Variants in THBS4 observed in about 807,000 individuals in gnomAD.
The protein encoded by THBS4 is thrombospondin-4.
In THBS4, 90 loss-of-function variants were observed where a neutral mutation model predicts 115.7. The ratio of observed to expected loss-of-function variants is 0.78; its 90% CI spans 0.66 to 0.93. THBS4 has a LOEUF of 0.93. THBS4 is among the 40% of genes least tolerant of loss of function. THBS4 has a pLI of 0.00. For missense variants in THBS4, 1,087 were observed against 1,232.7 expected (o/e 0.88, Z 1.77); for synonymous variants, 460 against 479.3 (o/e 0.96, Z 0.53).
intron 15 of THBS4, among the ~76,000 whole-genome samples, chr5:80,073,686 G>T (rs547858268): frequency 8.5e-5 from 13 of 152,274 alleles, no homozygotes; most frequent in African/African-American, 2.9e-4. Flanking sequence ...GCCCAGCCCG[G>T]AGAGGGTTTT....
chr5:80,045,344 G>A (rs1833027533), intron 2 of THBS4, among the ~76,000 whole-genome samples: 1 of 152,146 alleles, frequency 6.6e-6, no homozygotes, highest in Admixed American at 6.5e-5. Context: ...ACCAGAGAGT[G>A]TCAGTGAAAC....
intron 2 of THBS4, among the ~76,000 whole-genome samples, chr5:80,041,002 C>T (rs978067200): frequency 1.1e-4 from 16 of 152,174 alleles, no homozygotes; most frequent in Admixed American, 8.5e-4. Flanking sequence ...CTCACTGTCT[C>T]GAGAACAGCA....
chr5:80,060,536 G>A (rs946847337), intron 7 of THBS4, among the ~76,000 whole-genome samples: 1 of 152,254 alleles, frequency 6.6e-6, no homozygotes, highest in South Asian at 2.1e-4. Context: ...GAGGCAGGAG[G>A]ATCACATGAG....
At chr5:80,003,128 C>T (rs192845167) in intron 2 of THBS4, among the ~76,000 whole-genome samples, 14 of 151,970 alleles carry the variant, frequency 9.2e-5, no homozygotes, top group African/African-American at 2.2e-4. Flanking sequence ...GTAGGGGAAT[C>T]GATATTATTA....
chr5:80,000,823 A>G (rs1347340751), intron 2 of THBS4, among the ~76,000 whole-genome samples: 3 of 152,120 alleles, frequency 2.0e-5, no homozygotes, highest in Non-Finnish European at 4.4e-5. Flanking sequence ...TGCACTGGTG[A>G]GGGGAGGAAG....
intron 2 of THBS4, among the ~76,000 whole-genome samples, chr5:80,016,446 G>C (rs1561294573): frequency 6.6e-6 from 1 of 151,632 alleles, no homozygotes; most frequent in Non-Finnish European, 1.5e-5. Context: ...TGATTTTTTT[G>C]AGTGGGATTG....
At position 80,079,901 on chromosome 5, in the gene THBS4, G is replaced by C. The variant is rs2288395; in HGVS notation, c.2512-4G>C. On this transcript the variant is annotated splice_region_variant and splice_polypyrimidine_tract_variant and intron_variant, in intron 19 of 21. Coordinates refer to ENST00000350881, the MANE Select transcript of THBS4 (RefSeq NM_003248.6). ...CCTAAAACCTTGCTTGTGTCATCAT[G>C]CAGGCTGTGAAGTCTAAGACAGGTC... 436,995 of 1,613,142 alleles carry C rather than the reference G, an allele frequency of 0.27. 62,338 individuals carry two copies. The highest frequency in any genetic ancestry group is 0.43 in the African/African-American group (32,380 of 74,898).
At chr5:80,011,877 AAAAAAAAAG>A (rs1015071088) in intron 2 of THBS4, among the ~76,000 whole-genome samples, 4 of 88,346 alleles carry the variant, frequency 4.5e-5, no homozygotes, top group African/African-American at 1.7e-4. Context: ...TCTGTTTCTT[AAAAAAAAAG>A]AAAAAAAAGA....
At chr5:80,042,924 C>A (rs1390380459) in intron 2 of THBS4, among the ~76,000 whole-genome samples, 5 of 152,002 alleles carry the variant, frequency 3.3e-5, no homozygotes, top group African/African-American at 1.2e-4. Context: ...TGAGATTGTG[C>A]CGCTGCACTC....
chr5:80,067,901 A>G, intron 9 of THBS4, 72 bp from the exon 10 acceptor site: 2 of 1,556,454 alleles, frequency 1.3e-6, no homozygotes, highest in East Asian at 4.5e-5. Context: ...TATACACAAT[A>G]ACTGTACCTT....
chr5:80,058,906 G>A (rs945784850), intron 5 of THBS4, 116 bp downstream of exon 5: 26 of 982,020 alleles, frequency 2.6e-5, no homozygotes, highest in East Asian at 1.0e-4. Context: ...CCAGATCTCC[G>A]GGGGCCCACG....
intron 3 of THBS4, among the ~76,000 whole-genome samples, chr5:80,057,782 A>G (rs373670022): frequency 7.9e-5 from 12 of 152,244 alleles, no homozygotes; most frequent in South Asian, 6.2e-4. Flanking sequence ...CTCATATCCC[A>G]AAGAAGTCAG....
At chr5:80,038,741 C>T (rs1832796522) in intron 1 of THBS4, among the ~76,000 whole-genome samples, 1 of 152,110 alleles carries the variant, frequency 6.6e-6, no homozygotes, top group Admixed American at 6.5e-5. Flanking sequence ...ACCATGTTAT[C>T]CATTATTTCC....
intron 2 of THBS4, among the ~76,000 whole-genome samples, chr5:80,013,819 G>A (rs1832194316): frequency 6.6e-6 from 1 of 152,208 alleles, no homozygotes; most frequent in African/African-American, 2.4e-5. Flanking sequence ...ATTAAATGAT[G>A]TATAATTCGT....
At chr5:80,069,102 G>A (rs1195262270) in intron 10 of THBS4, among the ~76,000 whole-genome samples, 2 of 152,176 alleles carry the variant, frequency 1.3e-5, no homozygotes, top group East Asian at 1.9e-4. Flanking sequence ...CCAGGCCCTC[G>A]GCCGGTGGCC....
intron 2 of THBS4, among the ~76,000 whole-genome samples, chr5:80,044,985 A>G (rs1189785303): frequency 6.6e-6 from 1 of 152,116 alleles, no homozygotes; most frequent in Non-Finnish European, 1.5e-5. Context: ...CACCATGAAT[A>G]CATCTCTGAA....
At chr5:80,073,910 T>C (rs1245785897) in intron 15 of THBS4, among the ~76,000 whole-genome samples, 2 of 152,334 alleles carry the variant, frequency 1.3e-5, no homozygotes, top group East Asian at 3.9e-4. Context: ...GCTTCACAGA[T>C]GGGCTCTGGA....
At chr5:80,082,125 A>G (rs1743536602) in intron 20 of THBS4, 1 of 364,936 alleles carries the variant, frequency 2.7e-6, no homozygotes, top group African/African-American at 2.1e-5. Flanking sequence ...TAGTGTGACC[A>G]ACATCATGTT....
intron 2 of THBS4, among the ~76,000 whole-genome samples, chr5:80,026,712 T>C (rs1304370939): frequency 2.0e-5 from 3 of 152,242 alleles, no homozygotes; most frequent in Non-Finnish European, 4.4e-5. Context: ...TATTCTTAGC[T>C]CACTGATCCT....
Sources: allele counts gnomAD v4.1 joint callset (sites outside exome capture counted in the v4.1 genomes callset), GRCh38; gene constraint gnomAD v4.1.1; transcripts MANE v1.5; gene names NCBI Gene and HGNC (gene_info 2026-07-23, HGNC 2026-07-21).